Variants in DAB2IP observed in about 807,000 individuals in gnomAD.
DAB2IP encodes disabled homolog 2-interacting protein.
DAB2IP carries 28 observed loss-of-function variants against 107.2 expected under a neutral mutation model. That is an observed-to-expected ratio of 0.26 (90% CI 0.19 to 0.36). DAB2IP has a LOEUF of 0.36. DAB2IP is among the 10% of genes least tolerant of loss of function. The pLI is 1.00. For synonymous variants in DAB2IP, 755 were observed against 706.4 expected (o/e 1.07, Z -1.09); for missense variants, 1,400 against 1,644.7 (o/e 0.85, Z 2.57).
intron 3 of DAB2IP, 135 bp from the exon 4 acceptor site, chr9:121,756,878 A>T: frequency 1.6e-6 from 2 of 1,241,448 alleles, no homozygotes; most frequent in Non-Finnish European, 2.3e-6. Context: ...GATCTGTCTT[A>T]AGACAGAAAG....
At chr9:121,691,619 T>A (rs1311277318) in intron 2 of DAB2IP, among the ~76,000 whole-genome samples, 1 of 152,086 alleles carries the variant, frequency 6.6e-6, no homozygotes, top group Non-Finnish European at 1.5e-5. Flanking sequence ...GTTTCTTCCA[T>A]GCGTGATCTC....
intron 14 of DAB2IP, among the ~76,000 whole-genome samples, chr9:121,777,150 C>T (rs1835260692): frequency 6.6e-6 from 1 of 152,126 alleles, no homozygotes; most frequent in Admixed American, 6.5e-5. Flanking sequence ...AGTTTACTTC[C>T]TTCTCAGTAA....
At chr9:121,751,605 C>A (rs1833124614) in intron 3 of DAB2IP, 2 of 152,392 alleles carry the variant, frequency 1.3e-5, no homozygotes, top group Non-Finnish European at 1.5e-5. Flanking sequence ...GAGTTTGCAG[C>A]TTTGTCAGGA....
intron 1 of DAB2IP, among the ~76,000 whole-genome samples, chr9:121,567,496 C>T (rs538896763): frequency 2.0e-5 from 3 of 152,298 alleles, no homozygotes; most frequent in Non-Finnish European, 4.4e-5. Flanking sequence ...CTGTTTTGCT[C>T]CTGGCCAAGA....
intron 3 of DAB2IP, among the ~76,000 whole-genome samples, chr9:121,720,545 G>A (rs772804088): frequency 2.0e-5 from 3 of 152,196 alleles, no homozygotes; most frequent in Non-Finnish European, 2.9e-5. Flanking sequence ...GAGGGCTGTA[G>A]CCTCAGGTCA....
chr9:121,607,720 G>GGTTT (rs1217058866), intron 1 of DAB2IP, among the ~76,000 whole-genome samples: 2 of 152,334 alleles, frequency 1.3e-5, no homozygotes, highest in East Asian at 3.9e-4. Flanking sequence ...GGTGCCTCAT[G>GGTTT]GTTTTCCCCT....
Position 121,635,524 on chromosome 9 carries a change from G to A in DAB2IP, c.41-43154G>A, listed in dbSNP as rs562857586. Among the ~76,000 whole-genome samples, 12 of 152,304 alleles carry A rather than the reference G, an allele frequency of 7.9e-5. No homozygotes were observed. The South Asian group carries it at 1.0e-3, about 13-fold the overall frequency. Reference sequence around the variant, plus strand: ...CCGTGCAGGGCCTGGGCATGGAAACGGAGTGAAGGAGGCACTGGCTTTGCT... The same window carrying A: ...CCGTGCAGGGCCTGGGCATGGAAACAGAGTGAAGGAGGCACTGGCTTTGCT... On this transcript the variant is annotated intron_variant, in intron 1 of 16. Transcript: ENST00000259371. This position sits in a 1 kb window ranked among gnomAD's most constrained non-coding sequence, Gnocchi z 4.3.
intron 3 of DAB2IP, among the ~76,000 whole-genome samples, chr9:121,715,326 GTTTTCT>G (rs1331935055): frequency 1.3e-5 from 2 of 151,102 alleles, no homozygotes; most frequent in African/African-American, 2.4e-5. Context: ...GACTTGGGTA[GTTTTCT>G]TTTTCTTTTT....
At chr9:121,777,051 ATC>A (rs2119026819) in intron 14 of DAB2IP, among the ~76,000 whole-genome samples, 1 of 152,260 alleles carries the variant, frequency 6.6e-6, no homozygotes, top group South Asian at 2.1e-4. Flanking sequence ...TGGTGCCTCC[ATC>A]TCTGTCTCTG....
intron 1 of DAB2IP, among the ~76,000 whole-genome samples, chr9:121,586,331 C>T (rs763032269): frequency 2.0e-5 from 3 of 152,162 alleles, no homozygotes; most frequent in Non-Finnish European, 4.4e-5. Context: ...ACAGGCTCAT[C>T]GAATCACTTC....
intron 3 of DAB2IP, among the ~76,000 whole-genome samples, chr9:121,725,610 C>A (rs1432924598): frequency 6.6e-6 from 1 of 152,218 alleles, no homozygotes; most frequent in Non-Finnish European, 1.5e-5. Context: ...ACAGACCTCA[C>A]CTTAGAGGGT....
intron 1 of DAB2IP, among the ~76,000 whole-genome samples, chr9:121,621,566 G>A (rs1366901453): frequency 6.6e-6 from 1 of 151,762 alleles, no homozygotes; most frequent in Non-Finnish European, 1.5e-5. Flanking sequence ...TGCAAGGGAT[G>A]TAAGTCCTCG....
chr9:121,760,265 G>T lies in DAB2IP; in HGVS notation c.996G>T (p.Ala332=), dbSNP rs34334373. 1.2e-6 allele frequency: 2 copies of T among 1,613,874 alleles called. No individual in the cohort carries two copies. Among genetic ancestry groups the T allele is most frequent in the East Asian group, 4.5e-5 (2 of 44,862 alleles). ...CTGGACCCATGATCCGCATCAAGGCGCGCTACCAAACCATCACCATCCTGC... is the reference window on the plus strand; with the variant it reads ...CTGGACCCATGATCCGCATCAAGGCTCGCTACCAAACCATCACCATCCTGC... The change falls in exon 6 of 16, where the codon GCG becomes GCT. Residue 332 remains alanine (A), a synonymous_variant. Transcript: ENST00000408936. The surrounding 1 kb of genome is among the most constrained non-coding windows in gnomAD (Gnocchi z 5.9).
At chr9:121,763,699 G>C in intron 7 of DAB2IP, 36 bp from the exon 8 acceptor site, 1 of 1,612,200 alleles carries the variant, frequency 6.2e-7, no homozygotes, top group Non-Finnish European at 8.5e-7. Context: ...GGCCCGCCAG[G>C]TCCTCACTCC....
chr9:121,576,397 G>A (rs73536942), intron 1 of DAB2IP, among the ~76,000 whole-genome samples: 1,647 of 152,042 alleles, frequency 0.011, 36 homozygotes, highest in African/African-American at 0.035. Flanking sequence ...ACCGCTGCCT[G>A]AAACACTCTT....
chr9:121,661,563 C>T (rs1833204388), intron 1 of DAB2IP, among the ~76,000 whole-genome samples: 1 of 152,050 alleles, frequency 6.6e-6, no homozygotes, highest in Non-Finnish European at 1.5e-5. Context: ...GGGAGTGCTC[C>T]GGCTCCTGTG....
chr9:121,741,017 T>G (rs1416047290), intron 3 of DAB2IP, among the ~76,000 whole-genome samples: 2 of 151,952 alleles, frequency 1.3e-5, no homozygotes, highest in African/African-American at 4.8e-5. Flanking sequence ...AGGGTGGAGG[T>G]TAAGGCACCC....
rs375590695 is a variant in DAB2IP, at chr9:121,781,557, G to T, written c.3402+6G>T. On this transcript the variant is annotated splice_donor_region_variant and intron_variant, in intron 15 of 15. Coordinates refer to ENST00000408936, the Ensembl canonical transcript of DAB2IP. ...AGAAGATCATTGATGCCCAGGTGGG[G>T]GCTCCGGCCCTTTGGTCAGCCACAA... 35 of 1,613,552 alleles carry T rather than the reference G, an allele frequency of 2.2e-5. No homozygotes were observed. Among genetic ancestry groups the T allele is most frequent in the African/African-American group, 2.7e-5 (2 of 74,906 alleles).
intron 3 of DAB2IP, among the ~76,000 whole-genome samples, chr9:121,746,829 C>T (rs903803031): frequency 1.3e-5 from 2 of 152,170 alleles, no homozygotes; most frequent in African/African-American, 4.8e-5. Context: ...TCCCCAGGGC[C>T]CTGAGGTGGC....
Sources: gnomAD v4.1 joint callset for allele counts (sites outside exome capture counted in the v4.1 genomes callset) on GRCh38, gnomAD v4.1.1 for gene constraint, Gnocchi (gnomAD v3.1) non-coding constraint, MANE v1.5 for transcripts, NCBI Gene and HGNC (gene_info 2026-07-23, HGNC 2026-07-21) for gene names.